GALNT18: variants seen among roughly 807,000 people sequenced by gnomAD.
GALNT18 encodes the protein GalNAc-transferase 18.
A neutral mutation model predicts 69.5 loss-of-function variants in GALNT18; 44 were observed. The observed-to-expected ratio is 0.63, with a 90% CI of 0.50 to 0.81. The LOEUF (loss-of-function observed/expected upper bound fraction) is 0.81, where lower values mean the gene tolerates loss of function less well. Ranked by LOEUF, GALNT18 falls within the 40% of genes least tolerant of loss-of-function variation. The probability of loss-of-function intolerance (pLI) is 0.00; values close to 1 mark genes in which losing one functional copy is unlikely to be tolerated. For synonymous variants in GALNT18, 364 were observed against 318.2 expected (o/e 1.14, Z -1.53); for missense variants, 715 against 810.0 (o/e 0.88, Z 1.42).
intron 1 of GALNT18, among the ~76,000 whole-genome samples, chr11:11,575,019 C>T (rs1858887065): frequency 6.6e-6 from 1 of 152,212 alleles, no homozygotes; most frequent in African/African-American, 2.4e-5. Context: ...ATGTGCCTGG[C>T]TGAGTACTGC....
chr11:11,498,036 G>T (rs1334506129), intron 1 of GALNT18, among the ~76,000 whole-genome samples: 1 of 151,978 alleles, frequency 6.6e-6, no homozygotes. Flanking sequence ...AAAAACTGGA[G>T]AACTCGTCTT....
chr11:11,391,111 C>T (rs1261872935), intron 3 of GALNT18, among the ~76,000 whole-genome samples: 2 of 152,216 alleles, frequency 1.3e-5, no homozygotes, highest in Non-Finnish European at 2.9e-5. Context: ...GAAAGCCAGC[C>T]CTGCAGCAAA....
chr11:11,427,067 A>AC (rs1367610345), intron 3 of GALNT18, among the ~76,000 whole-genome samples: 1 of 152,230 alleles, frequency 6.6e-6, no homozygotes, highest in Non-Finnish European at 1.5e-5. Context: ...GGCATGAGCC[A>AC]CCACACACTG....
intron 1 of GALNT18, among the ~76,000 whole-genome samples, chr11:11,557,679 A>G (rs1325176381): frequency 1.3e-5 from 2 of 152,224 alleles, no homozygotes; most frequent in Non-Finnish European, 2.9e-5. Context: ...ATCAGTTTGC[A>G]TCCCTACTAT....
chr11:11,477,825 G>T (rs1173154548), intron 1 of GALNT18, among the ~76,000 whole-genome samples: 1 of 152,188 alleles, frequency 6.6e-6, no homozygotes, highest in African/African-American at 2.4e-5. Flanking sequence ...AGATGCTTCT[G>T]TAATTACACC....
chr11:11,610,733 G>A (rs1022095303), intron 1 of GALNT18, among the ~76,000 whole-genome samples: 25 of 152,170 alleles, frequency 1.6e-4, no homozygotes, highest in African/African-American at 6.0e-4. Flanking sequence ...ATGCAAATCA[G>A]AGGATCCATT....
intron 2 of GALNT18, among the ~76,000 whole-genome samples, chr11:11,445,069 C>T (rs1295472595): frequency 6.6e-6 from 1 of 152,204 alleles, no homozygotes; most frequent in East Asian, 1.9e-4. Flanking sequence ...ATGTAGACGC[C>T]GACCTTCCTC....
At chr11:11,508,954 G>C (rs139812062) in intron 1 of GALNT18, among the ~76,000 whole-genome samples, 5 of 151,994 alleles carry the variant, frequency 3.3e-5, no homozygotes, top group African/African-American at 7.2e-5. Flanking sequence ...AGAACTACCC[G>C]ATACAACCCA....
At chr11:11,311,765 A>G (rs1849677191) in intron 9 of GALNT18, among the ~76,000 whole-genome samples, 1 of 152,214 alleles carries the variant, frequency 6.6e-6, no homozygotes, top group Admixed American at 6.5e-5. Context: ...GAATGTGATA[A>G]ACAGATACAG....
chr11:11,277,947 C>T (rs192540578), intron 10 of GALNT18, among the ~76,000 whole-genome samples: 38 of 152,152 alleles, frequency 2.5e-4, no homozygotes, highest in South Asian at 1.2e-3. Context: ...GGAATAAGTC[C>T]GATGAGGTGC....
rs1332867010 is a variant in GALNT18, at chr11:11,314,654, G to A, written c.1512+12432C>T. On this transcript the variant is annotated intron_variant, in intron 9 of 10. Transcript: ENST00000227756. The surrounding 1 kb of genome is among the most constrained non-coding windows in gnomAD (Gnocchi z 5.2). ...TGGCTGGGTGCTCACCTCACCCAGA[G>A]AATGGGCACCAGCTCTGGGTGGCCT... Among the ~76,000 whole-genome samples, 1 of 152,208 alleles carries A rather than the reference G, an allele frequency of 6.6e-6. No homozygotes were observed. Among genetic ancestry groups the A allele is most frequent in the Non-Finnish European group, 1.5e-5 (1 of 68,020 alleles).
rs80102332 is a variant in GALNT18 at position 11,380,210 on chromosome 11, T to C, written c.596-946A>G. On this transcript the variant is annotated intron_variant, in intron 3 of 10. Coordinates refer to ENST00000227756, the MANE Select transcript of GALNT18 (RefSeq NM_198516.3). Reference sequence around the variant, plus strand: ...TTCTTCTGACCTCCAAATGCCAGGGTCCCTCAATCTTACATTCATGAGTCC... The same window carrying C: ...TTCTTCTGACCTCCAAATGCCAGGGCCCCTCAATCTTACATTCATGAGTCC... Among the ~76,000 whole-genome samples, 1,276 of 152,320 alleles carry C rather than the reference T, an allele frequency of 8.4e-3. 13 individuals carry two copies. Among genetic ancestry groups the C allele is most frequent in the African/African-American group, 0.026 (1,090 of 41,564 alleles).
chr11:11,293,161 A>C lies in GALNT18; in HGVS notation c.1545T>G (p.His515Gln). 1 of 1,344,632 alleles carries C rather than the reference A, an allele frequency of 7.4e-7. No individual in the cohort carries two copies. Among genetic ancestry groups the C allele is most frequent in the Non-Finnish European group, 9.6e-7 (1 of 1,037,960 alleles). The allele number at this position is 1,344,632 out of a possible 1,614,324, so 83.3% of individuals were successfully genotyped here. ...NVYYTSSQQI[H>Q]VGILSPTVDD... ...CCACGGTGGGGCTCAGAATGCCCAC[A>C]TGGATCTGCTGACTGCTCGTGTAGT... Residue 515 changes from histidine (H) to glutamine (Q), a missense_variant, in exon 10 of 11, where the codon CAT becomes CAG. Coordinates refer to ENST00000227756, the MANE Select transcript of GALNT18 (RefSeq NM_198516.3).
At chr11:11,395,854 G>T (rs180916268) in intron 3 of GALNT18, among the ~76,000 whole-genome samples, 9 of 152,336 alleles carry the variant, frequency 5.9e-5, no homozygotes, top group Admixed American at 3.3e-4. Context: ...GGAGGGGAAA[G>T]CTAGACCTTC....
rs571855101 is a variant in GALNT18 at position 11,376,431 on chromosome 11, T to C, written c.977+751A>G. 3.3e-5 allele frequency among the ~76,000 whole-genome samples: 5 copies of C among 151,834 alleles called. No individual in the cohort carries two copies. In the East Asian group the frequency reaches 7.7e-4, roughly 24 times the overall value. On this transcript the variant is annotated intron_variant, in intron 5 of 10. Transcript: ENST00000227756. Reference sequence around the variant, plus strand: ...AAATAAAAACTAGTGGGGACAGCTTTTGGAGGAGTCCTGAACCTTAAAAGC... The same window carrying C: ...AAATAAAAACTAGTGGGGACAGCTTCTGGAGGAGTCCTGAACCTTAAAAGC...
In GALNT18 at chr11:11,497,437, C is replaced by A. The variant is rs1856888913; in HGVS notation, c.236-48501G>T. Among the ~76,000 whole-genome samples the A allele has an allele frequency of 6.7e-6, 1 of 148,860 alleles. No individual in the cohort carries two copies. The highest frequency in any genetic ancestry group is 6.8e-5 in the Admixed American group (1 of 14,618). On this transcript the variant is annotated intron_variant, in intron 1 of 10. Transcript: ENST00000227756. The surrounding 1 kb of genome is among the most constrained non-coding windows in gnomAD (Gnocchi z 4.2). ...TCTTATGGAGCAAGACTTTATGGGT[C>A]CCTGCTCTTATGCAGGGCCTGTTCA... is the stretch of plus-strand genomic sequence containing the variant.
chr11:11,446,248 A>G (rs532973336), intron 2 of GALNT18, among the ~76,000 whole-genome samples: 17 of 152,360 alleles, frequency 1.1e-4, no homozygotes, highest in Non-Finnish European at 2.1e-4. Context: ...TGGGAAGGGC[A>G]TTATCGGCAC....
chr11:11,330,458 G>T (rs1187571638), intron 8 of GALNT18, among the ~76,000 whole-genome samples: 1 of 152,236 alleles, frequency 6.6e-6, no homozygotes, highest in Non-Finnish European at 1.5e-5. Context: ...AAGCAGACGT[G>T]TCTCTGCTTA....
At chr11:11,280,271 T>C (rs1016104864) in intron 10 of GALNT18, among the ~76,000 whole-genome samples, 3 of 152,250 alleles carry the variant, frequency 2.0e-5, no homozygotes, top group Admixed American at 2.0e-4. Context: ...GCTCGGCCTC[T>C]GAAAGGGGCC....
Sources: allele counts gnomAD v4.1 joint callset (sites outside exome capture counted in the v4.1 genomes callset), GRCh38; gene constraint gnomAD v4.1.1; non-coding constraint Gnocchi (gnomAD v3.1); transcripts MANE v1.5; gene names NCBI Gene and HGNC (gene_info 2026-07-23, HGNC 2026-07-21).